The following GNAS-AS1 variants were observed in gnomAD, a reference collection of about 807,000 sequenced individuals.
GNAS-AS1 encodes GNAS antisense RNA 1 (non-protein coding).
At chr20:58,828,389 C>T (rs1440275161) in intron 4 of GNAS-AS1, among the ~76,000 whole-genome samples, 3 of 152,374 alleles carry the variant, frequency 2.0e-5, no homozygotes, top group African/African-American at 7.2e-5. Context: ...GGGCTGACAT[C>T]TGAGCCCTTG....
chr20:58,837,448 G>C (rs2085611118), intron 4 of GNAS-AS1, among the ~76,000 whole-genome samples: 1 of 152,212 alleles, frequency 6.6e-6, no homozygotes, highest in Non-Finnish European at 1.5e-5. Context: ...CACAGGAAAA[G>C]TGGTAGAGCA....
intron 4 of GNAS-AS1, among the ~76,000 whole-genome samples, chr20:58,837,291 A>T (rs1249318176): frequency 6.6e-6 from 1 of 152,198 alleles, no homozygotes. Flanking sequence ...GACTCTCTGG[A>T]AACGTGCCCC....
chr20:58,832,646 C>A (rs999964517), intron 4 of GNAS-AS1, among the ~76,000 whole-genome samples: 3 of 152,112 alleles, frequency 2.0e-5, no homozygotes, highest in African/African-American at 7.2e-5. Context: ...AGGAATGAAA[C>A]CACTAGCAAT....
chr20:58,820,206 C>T, intron 4 of GNAS-AS1, among the ~76,000 whole-genome samples: 1 of 152,380 alleles, frequency 6.6e-6, no homozygotes, highest in Non-Finnish European at 1.5e-5. Flanking sequence ...GAGATGCGGC[C>T]TTAGGTGCTG....
At chr20:58,830,428 A>AT (rs2085553244) in intron 4 of GNAS-AS1, among the ~76,000 whole-genome samples, 21 of 119,930 alleles carry the variant, frequency 1.8e-4, no homozygotes, top group South Asian at 3.0e-4. Flanking sequence ...CACCACCGCC[A>AT]CACCACCATC....
intron 4 of GNAS-AS1, among the ~76,000 whole-genome samples, chr20:58,822,331 C>CTTAT (rs1309956605): frequency 1.3e-5 from 2 of 152,196 alleles, no homozygotes; most frequent in Non-Finnish European, 2.9e-5. Context: ...AGGCCCCACT[C>CTTAT]AGAGATGAGT....
Position 58,841,994 on chromosome 20 carries a change from G to A in GNAS-AS1, n.762C>T. On this transcript the variant is annotated non_coding_transcript_exon_variant, in exon 4 of 5. Transcript: ENST00000424094. The surrounding 1 kb of genome is among the most constrained non-coding windows in gnomAD (Gnocchi z 5.0). The stretch of plus-strand genomic sequence containing the variant: ...GCTGGGGAAAGGTGTTGGATCCGGC[G>A]CCAGTCCTTGGACGATCAGTCGTCG... The A allele has an allele frequency of 2.1e-6, 2 of 931,492 alleles. No homozygotes were observed. The highest frequency in any genetic ancestry group is 2.8e-6 in the Non-Finnish European group (2 of 713,390). 57.7% of individuals were successfully genotyped at this position (931,492 alleles called of 1,614,324 possible).
At chr20:58,831,919 G>C (rs11086658) in intron 4 of GNAS-AS1, among the ~76,000 whole-genome samples, 19,222 of 152,110 alleles carry the variant, frequency 0.13, 1,291 homozygotes, top group Non-Finnish European at 0.15. Flanking sequence ...CTTGATGAAA[G>C]CCCCACTACA....
chr20:58,840,030 C>T lies in GNAS-AS1; in HGVS notation n.819+1907G>A. 1.3e-6 allele frequency: 2 copies of T among 1,542,340 alleles called. No individual in the cohort carries two copies. The highest frequency in any genetic ancestry group is 1.4e-5 in the African/African-American group (1 of 73,760). Reference sequence around the variant, plus strand: ...CTCATAGGGTGTACCTTTCCCGGCTCCAGCAGCCAATGTGCTTCGGAGCCA... The same window carrying T: ...CTCATAGGGTGTACCTTTCCCGGCTTCAGCAGCCAATGTGCTTCGGAGCCA... On this transcript the variant is annotated intron_variant and non_coding_transcript_variant, in intron 4 of 4. Coordinates refer to ENST00000424094, the Ensembl canonical transcript of GNAS-AS1. This position sits in a 1 kb window ranked among gnomAD's most constrained non-coding sequence, Gnocchi z 6.0.
chr20:58,824,236 C>G (rs2085505235), intron 4 of GNAS-AS1, among the ~76,000 whole-genome samples: 2 of 152,240 alleles, frequency 1.3e-5, no homozygotes, highest in African/African-American at 2.4e-5. Flanking sequence ...CAGAGGAAAC[C>G]AGAGCAGCAG....
intron 4 of GNAS-AS1, among the ~76,000 whole-genome samples, chr20:58,823,607 G>C (rs1011792878): frequency 2.0e-5 from 3 of 152,260 alleles, no homozygotes; most frequent in Non-Finnish European, 4.4e-5. Flanking sequence ...GCTGGCCGGG[G>C]CCAGGTCTTT....
chr20:58,839,655 G>C (rs867648879), intron 4 of GNAS-AS1: 1 of 425,130 alleles, frequency 2.4e-6, no homozygotes, highest in South Asian at 8.7e-5. Flanking sequence ...CGCAGCTCGC[G>C]GGGAGGTGGC....
chr20:58,846,389 T>C (rs1402974902), intron 2 of GNAS-AS1, among the ~76,000 whole-genome samples: 1 of 152,188 alleles, frequency 6.6e-6, no homozygotes, highest in African/African-American at 2.4e-5. Context: ...GGGCTACCAA[T>C]GAGGCTCACA....
chr20:58,829,627 C>G (rs971052795), intron 4 of GNAS-AS1, among the ~76,000 whole-genome samples: 1 of 152,244 alleles, frequency 6.6e-6, no homozygotes, highest in Non-Finnish European at 1.5e-5. Context: ...GCACCACCCT[C>G]TGGCTACTCC....
chr20:58,840,109 G>C lies in GNAS-AS1; in HGVS notation n.819+1828C>G. The C allele has an allele frequency of 6.2e-7, 1 of 1,610,756 alleles. No individual in the cohort carries two copies. Among genetic ancestry groups the C allele is most frequent in the Non-Finnish European group, 8.5e-7 (1 of 1,179,930 alleles). The stretch of plus-strand genomic sequence containing the variant: ...CTTCTCGGTGTGTGCCTAAGAGGAT[G>C]GATCGGAGGTCCCGGGCTCAGCAGT... On this transcript the variant is annotated intron_variant and non_coding_transcript_variant, in intron 4 of 4. Coordinates refer to ENST00000424094, the Ensembl canonical transcript of GNAS-AS1. This position sits in a 1 kb window ranked among gnomAD's most constrained non-coding sequence, Gnocchi z 6.0.
chr20:58,842,282 T>C, intron 3 of GNAS-AS1: 1 of 398,086 alleles, frequency 2.5e-6, no homozygotes. Context: ...AATTGATTTT[T>C]TTTTTCCTGG....
chr20:58,830,550 TCACCACCACCATCACCACCACCACACCAC>T (rs2085559377), intron 4 of GNAS-AS1, among the ~76,000 whole-genome samples: 1 of 322 alleles, frequency 3.1e-3, no homozygotes. Flanking sequence ...AGCACCACCA[TCACCACCACCATCACCACCACCACACCAC>T]CACCACCACA....
chr20:58,842,371 T>TG, intron 3 of GNAS-AS1: 2 of 398,206 alleles, frequency 5.0e-6, no homozygotes, highest in Non-Finnish European at 8.8e-6. Context: ...TTTGAGGGCT[T>TG]GAGATGAATG....
chr20:58,848,159 C>T (rs2086007148), intron 2 of GNAS-AS1, among the ~76,000 whole-genome samples: 1 of 152,208 alleles, frequency 6.6e-6, no homozygotes, highest in Non-Finnish European at 1.5e-5. Flanking sequence ...TCTTCCCATG[C>T]CTTTCTTAGT....
Sources: gnomAD v4.1 joint callset for allele counts (sites outside exome capture counted in the v4.1 genomes callset) on GRCh38, gnomAD v4.1.1 for gene constraint, Gnocchi (gnomAD v3.1) non-coding constraint, MANE v1.5 for transcripts, NCBI Gene and HGNC (gene_info 2026-07-23, HGNC 2026-07-21) for gene names.